MBD5: variants seen among roughly 807,000 people sequenced by gnomAD.
MBD5 encodes methyl-CpG binding domain protein 5, also known as methyl-CpG-binding domain protein 5.
MBD5 carries 13 observed loss-of-function variants against 117.3 expected under a neutral mutation model. The observed-to-expected ratio is 0.11, with a 90% CI of 0.07 to 0.18. The LOEUF is 0.18. Among genes scored for constraint, MBD5 ranks in the 10% least tolerant of loss-of-function variants. The probability of loss-of-function intolerance (pLI) is 1.00; values close to 1 mark genes in which losing one functional copy is unlikely to be tolerated. For synonymous variants in MBD5, 727 were observed against 766.4 expected, an observed-to-expected ratio of 0.95 and a Z score of 0.85; for missense variants, 1,879 against 2,093.8, an observed-to-expected ratio of 0.90 and a Z score of 2.00.
chr2:148,159,249 C>T (rs1697947763), intron 1 of MBD5, among the ~76,000 whole-genome samples: 1 of 152,102 alleles, frequency 6.6e-6, no homozygotes, highest in Non-Finnish European at 1.5e-5. Context: ...AGCACAAAGC[C>T]TCAAATACAA....
chr2:148,490,714 A>AG, intron 11 of MBD5, 120 bp downstream of exon 11: 1 of 1,232,384 alleles, frequency 8.1e-7, no homozygotes, highest in Non-Finnish European at 1.2e-6. Context: ...TGACTCATTG[A>AG]GGTCTCACAA....
intron 4 of MBD5, among the ~76,000 whole-genome samples, chr2:148,356,908 T>TTTTA (rs1559037873): frequency 3.9e-5 from 6 of 152,156 alleles, no homozygotes; most frequent in Non-Finnish European, 7.4e-5. Flanking sequence ...TCTTTTTTTT[T>TTTTA]AATTCTGCTG....
intron 2 of MBD5, among the ~76,000 whole-genome samples, chr2:148,187,908 G>C (rs532478694): frequency 1.3e-5 from 2 of 152,142 alleles, no homozygotes; most frequent in Non-Finnish European, 2.9e-5. Flanking sequence ...TATTTAAAAA[G>C]ATAACTGACT....
intron 4 of MBD5, among the ~76,000 whole-genome samples, chr2:148,416,980 A>G (rs2105228127): frequency 6.6e-6 from 1 of 152,182 alleles, no homozygotes; most frequent in Middle Eastern, 3.2e-3. Context: ...GTAGTATTCC[A>G]TGGTGTGTTT....
intron 3 of MBD5, among the ~76,000 whole-genome samples, chr2:148,310,682 C>G (rs144550575): frequency 1.5e-3 from 226 of 152,196 alleles, no homozygotes; most frequent in African/African-American, 5.1e-3. Flanking sequence ...TTCTTGTCTT[C>G]TGCTAGCTTT....
chr2:148,203,800 AG>A (rs5835179), intron 2 of MBD5, among the ~76,000 whole-genome samples: 139,498 of 152,104 alleles, frequency 0.92, 65,248 homozygotes, highest in East Asian at 1. Flanking sequence ...TGTGATTATA[AG>A]CAATACCTGT....
intron 8 of MBD5, chr2:148,470,768 G>T: frequency 2.6e-6 from 1 of 385,546 alleles, no homozygotes; most frequent in Non-Finnish European, 4.6e-6. Flanking sequence ...GCCATACGAG[G>T]CAGGGTTTCC....
At chr2:148,039,228 T>A (rs1694290288) in intron 1 of MBD5, among the ~76,000 whole-genome samples, 1 of 152,120 alleles carries the variant, frequency 6.6e-6, no homozygotes, top group African/African-American at 2.4e-5. Flanking sequence ...ATTTTTGCAT[T>A]CTTTATAGTG....
intron 10 of MBD5, 70 bp from the exon 11 acceptor site, chr2:148,489,316 T>C: frequency 6.3e-7 from 1 of 1,578,832 alleles, no homozygotes. Context: ...ATTTTAAAAT[T>C]ATAGTCTTTC....
intron 4 of MBD5, among the ~76,000 whole-genome samples, chr2:148,385,893 A>T (rs1159620627): frequency 5.5e-5 from 8 of 146,192 alleles, no homozygotes; most frequent in African/African-American, 2.0e-4. Context: ...TCTCACTCAT[A>T]GGTGGGAATT....
At chr2:148,452,097 T>A (rs1706746169) in intron 4 of MBD5, among the ~76,000 whole-genome samples, 1 of 152,194 alleles carries the variant, frequency 6.6e-6, no homozygotes, top group Admixed American at 6.6e-5. Context: ...CATTTAATTA[T>A]TCAGAAGAAT....
intron 7 of MBD5, among the ~76,000 whole-genome samples, chr2:148,465,052 T>C (rs1707217502): frequency 6.6e-6 from 1 of 152,130 alleles, no homozygotes. Context: ...TTGTTACATA[T>C]CTTTATATCA....
intron 3 of MBD5, among the ~76,000 whole-genome samples, chr2:148,287,881 A>G (rs1701400420): frequency 6.6e-6 from 1 of 152,138 alleles, no homozygotes; most frequent in South Asian, 2.1e-4. Context: ...CGAGTTCTCA[A>G]CGTTGTTGCT....
rs998455255 is a variant in MBD5 at position 148,510,205 on chromosome 2, G to A, written c.5112+70G>A. On this transcript the variant is annotated intron_variant, in intron 13 of 13. Coordinates refer to ENST00000642680, the MANE Select transcript of MBD5 (RefSeq NM_001378120.1). ...AAATTGTGTTACACTTTTTGGTAAA[G>A]TCTCTTGAGTATTGTCAAACAACTC... The A allele has an allele frequency of 4.8e-5, 55 of 1,155,686 alleles. No individual in the cohort carries two copies. The African/African-American group carries it at 7.6e-4, about 16-fold the overall frequency. 71.6% of individuals were successfully genotyped at this position (1,155,686 alleles called of 1,614,324 possible).
intron 1 of MBD5, among the ~76,000 whole-genome samples, chr2:148,122,494 G>A (rs1696793440): frequency 6.6e-6 from 1 of 152,112 alleles, no homozygotes; most frequent in Admixed American, 6.6e-5. Flanking sequence ...AAGGCAGGGA[G>A]GTACATGATA....
intron 3 of MBD5, among the ~76,000 whole-genome samples, chr2:148,284,685 T>A (rs984869441): frequency 2.6e-5 from 4 of 152,310 alleles, no homozygotes; most frequent in African/African-American, 9.6e-5. Flanking sequence ...AACCAAAAAA[T>A]GGCTACAAAC....
chr2:148,217,866 T>C (rs148351186), intron 2 of MBD5, among the ~76,000 whole-genome samples: 148 of 152,250 alleles, frequency 9.7e-4, no homozygotes, highest in African/African-American at 1.7e-3. Flanking sequence ...GAGTTGTCAT[T>C]ACCCTTCTTT....
chr2:148,376,004 C>T (rs1703975727), intron 4 of MBD5, among the ~76,000 whole-genome samples: 1 of 151,034 alleles, frequency 6.6e-6, no homozygotes, highest in Non-Finnish European at 1.5e-5. Flanking sequence ...TTGGGGCTTT[C>T]CTGTGCATTG....
At chr2:148,383,320 A>G (rs1330510367) in intron 4 of MBD5, among the ~76,000 whole-genome samples, 4 of 152,226 alleles carry the variant, frequency 2.6e-5, no homozygotes, top group Admixed American at 2.0e-4. Context: ...AGAGAATACT[A>G]TAAACACTTC....
Sources: allele counts gnomAD v4.1 joint callset (sites outside exome capture counted in the v4.1 genomes callset), GRCh38; gene constraint gnomAD v4.1.1; transcripts MANE v1.5; gene names NCBI Gene and HGNC (gene_info 2026-07-23, HGNC 2026-07-21).